CEP290: variants seen among roughly 807,000 people sequenced by gnomAD.
CEP290 encodes centrosomal protein of 290 kDa.
Under a neutral mutation model 344.9 loss-of-function variants are expected in CEP290, and 317 were observed. The observed-to-expected ratio is 0.92, with a 90% CI of 0.84 to 1.01. The LOEUF (loss-of-function observed/expected upper bound fraction) is 1.01, where lower values mean the gene tolerates loss of function less well. Ranked by LOEUF, CEP290 falls within the 50% of genes least tolerant of loss-of-function variation. CEP290 has a pLI of 0.00. For missense variants in CEP290, 2,754 were observed against 2,761.4 expected (o/e 1.00, Z 0.06); for synonymous variants, 932 against 895.8 (o/e 1.04, Z -0.72).
At chr12:88,137,083 C>T (rs2040392138) in intron 5 of CEP290, among the ~76,000 whole-genome samples, 2 of 152,072 alleles carry the variant, frequency 1.3e-5, no homozygotes, top group South Asian at 4.1e-4. Flanking sequence ...GCAAAGGTTC[C>T]TGAGCCTCAG....
intron 43 of CEP290, among the ~76,000 whole-genome samples, chr12:88,070,273 A>G (rs1360131547): frequency 6.6e-6 from 1 of 152,214 alleles, no homozygotes; most frequent in Non-Finnish European, 1.5e-5. Context: ...ATAGAATACC[A>G]GGACTTAAAG....
intron 35 of CEP290, 41 bp from the exon 36 acceptor site, chr12:88,083,995 T>A: frequency 8.1e-7 from 1 of 1,234,816 alleles, no homozygotes; most frequent in Non-Finnish European, 1.1e-6. Context: ...AAATTGTGAT[T>A]AAAACAAATT....
chr12:88,140,293 T>A (rs1432163178), intron 3 of CEP290, among the ~76,000 whole-genome samples: 2 of 152,210 alleles, frequency 1.3e-5, no homozygotes, highest in African/African-American at 2.4e-5. Context: ...TTGTCCTACA[T>A]AATATACTCA....
chr12:88,051,175 T>G (rs1804029991), intron 52 of CEP290, among the ~76,000 whole-genome samples: 1 of 151,270 alleles, frequency 6.6e-6, no homozygotes, highest in Non-Finnish European at 1.5e-5. Flanking sequence ...GCAAACATTT[T>G]CATGGCTGGG....
intron 29 of CEP290, among the ~76,000 whole-genome samples, chr12:88,091,264 A>G (rs1247585061): frequency 1.3e-5 from 2 of 152,202 alleles, no homozygotes; most frequent in Non-Finnish European, 2.9e-5. Flanking sequence ...ACATTTATCT[A>G]AGACCATCAC....
At chr12:88,135,254 G>A (rs1205722238) in intron 6 of CEP290, among the ~76,000 whole-genome samples, 2 of 152,160 alleles carry the variant, frequency 1.3e-5, no homozygotes, top group East Asian at 3.9e-4. Flanking sequence ...CAGCCAAAAA[G>A]GAACACAGGC....
intron 30 of CEP290, among the ~76,000 whole-genome samples, 160 bp from the exon 31 acceptor site, chr12:88,089,647 G>A (rs539163970): frequency 5.0e-4 from 75 of 150,524 alleles, no homozygotes; most frequent in African/African-American, 1.8e-3. Flanking sequence ...AATTACCAAA[G>A]AACTGTAAAA....
In CEP290 at chr12:88,083,971, C is replaced by T. The variant is rs779284571; in HGVS notation, c.4705-17G>A. 12 of 1,446,114 alleles carry T rather than the reference C, an allele frequency of 8.3e-6. No individual in the cohort carries two copies. Among genetic ancestry groups the T allele is most frequent in the Admixed American group, 3.9e-5 (2 of 51,176 alleles). The allele number at this position is 1,446,114 out of a possible 1,614,324, so 89.6% of individuals were successfully genotyped here. ...TCTTTGCTCCTGTTTTACAGAAAAT[C>T]GAAACTATATCTTAAATTGTGATTA... On this transcript the variant is annotated splice_polypyrimidine_tract_variant and intron_variant, in intron 35 of 53. Transcript: ENST00000552810.
chr12:88,061,777 CTT>C (rs869262265), intron 46 of CEP290, among the ~76,000 whole-genome samples: 3 of 144,044 alleles, frequency 2.1e-5, no homozygotes, highest in Non-Finnish European at 1.5e-5. Flanking sequence ...AATATTTTTC[CTT>C]TTTTTTTTTT....
At chr12:88,049,760 CT>C (rs548615399) in intron 53 of CEP290, 16 of 167,036 alleles carry the variant, frequency 9.6e-5, no homozygotes, top group Non-Finnish European at 1.6e-4. Context: ...TGAAGTTAGT[CT>C]GGTTAAGAGT....
At chr12:88,053,913 C>G (rs909386005) in intron 51 of CEP290, among the ~76,000 whole-genome samples, 167 bp from the exon 52 acceptor site, 1 of 152,108 alleles carries the variant, frequency 6.6e-6, no homozygotes, top group Non-Finnish European at 1.5e-5. Flanking sequence ...AAACAAAAAG[C>G]CTGGAATACA....
chr12:88,090,588 C>CCACT lies in CEP290; in HGVS notation c.3573+136_3573+139dup. ...AAGGCTGCAATGAGCCTTGAATGTA[C>CCACT]CACTGCACTCCACCCTGGGCAACAG... On this transcript the variant is annotated intron_variant, in intron 30 of 53. Coordinates refer to ENST00000552810, the MANE Select transcript of CEP290 (RefSeq NM_025114.4). 1.0e-5 allele frequency: 6 copies of CCACT among 595,492 alleles called. No homozygotes were observed. The South Asian group carries it at 1.2e-4, about 12-fold the overall frequency. The allele number at this position is 595,492 out of a possible 1,614,324, so 36.9% of individuals were successfully genotyped here.
chr12:88,096,631 T>C (rs2037452299), intron 27 of CEP290, among the ~76,000 whole-genome samples: 2 of 152,090 alleles, frequency 1.3e-5, no homozygotes, highest in Admixed American at 6.6e-5. Context: ...CGGTTCAAAG[T>C]AGCTAATACT....
chr12:88,136,646 C>A lies in CEP290; in HGVS notation c.438G>T (p.Glu146Asp). Reference protein sequence around the residue: ...KELEKEKKVNEQLALRNEEAE... With the variant: ...KELEKEKKVNDQLALRNEEAE... ...ATGGAAAAAAAAAGTGCTTTACTTG[C>A]TCATTAACTTTCTTCTCTTTCTCCA... The change falls in exon 6 of 54, where the codon GAG becomes GAT. Residue 146 changes from glutamate (E) to aspartate (D), a missense_variant. By Grantham distance (45) the Glu-to-Asp change is conservative (BLOSUM62 2). Transcript: ENST00000552810. The A allele has an allele frequency of 6.2e-7, 1 of 1,613,462 alleles. No homozygotes were observed. The highest frequency in any genetic ancestry group is 8.5e-7 in the Non-Finnish European group (1 of 1,179,600).
rs532585270 is a variant in CEP290 at position 88,123,512 on chromosome 12, C to T, written c.1189+1734G>A. On this transcript the variant is annotated intron_variant, in intron 13 of 53. Transcript: ENST00000552810. ...GCAGTTGTTTCTTCTTCCTTGGTTA[C>T]ATTCCTCATGTGGTTTTCAGGGCTC... Among the ~76,000 whole-genome samples, 5 of 152,176 alleles carry T rather than the reference C, an allele frequency of 3.3e-5. No homozygotes were observed. In the South Asian group the frequency reaches 6.2e-4, roughly 19 times the overall value.
Position 88,086,482 on chromosome 12 carries a change from T to C in CEP290, c.4211A>G (p.Gln1404Arg). ...AACTTCTCTTTGATCCCAGGCCATT[T>C]GTCTTTCTTCATGAAACTAAAAAAA... ...VQQNKFHEER[Q>R]MAWDQREVDL... Residue 1404 changes from glutamine (Q) to arginine (R), a missense_variant, in exon 33 of 54, where the codon CAA becomes CGA. By Grantham distance (43) the Gln-to-Arg change is conservative. Transcript: ENST00000552810. The C allele has an allele frequency of 6.3e-7, 1 of 1,594,618 alleles. No individual in the cohort carries two copies. The highest frequency in any genetic ancestry group is 1.3e-5 in the African/African-American group (1 of 74,882).
At position 88,111,825 on chromosome 12, in the gene CEP290, C is replaced by T. The variant is rs1333667660; in HGVS notation, c.2086G>A (p.Asp696Asn). The T allele has an allele frequency of 1.2e-6, 2 of 1,602,090 alleles. No homozygotes were observed. Among genetic ancestry groups the T allele is most frequent in the East Asian group, 2.3e-5 (1 of 43,962 alleles). The change falls in exon 21 of 54, where the codon GAT (aspartate) becomes AAT (asparagine). Residue 696 changes from aspartate to asparagine, a missense_variant. Coordinates refer to ENST00000552810, the MANE Select transcript of CEP290 (RefSeq NM_025114.4). ...TGGGCTTTCAAATGCAGACTCGCATCAAAGATTCCTTCTGCATTCTTTGAT... is the reference window on the plus strand; with the variant it reads ...TGGGCTTTCAAATGCAGACTCGCATTAAAGATTCCTTCTGCATTCTTTGAT... ...IESKNAEGIFDASLHLKAQVD... is the reference protein window; with the variant it reads ...IESKNAEGIFNASLHLKAQVD...
At chr12:88,133,397 T>C (rs1235187798) in intron 6 of CEP290, among the ~76,000 whole-genome samples, 1 of 152,162 alleles carries the variant, frequency 6.6e-6, no homozygotes, top group African/African-American at 2.4e-5. Context: ...TCTCATTCTC[T>C]TTTGATGGCT....
In CEP290 at chr12:88,053,740, A is replaced by C; in HGVS notation, c.7041T>G (p.Ala2347=). 2.7e-6 allele frequency: 4 copies of C among 1,499,558 alleles called. No individual in the cohort carries two copies. The highest frequency in any genetic ancestry group is 3.6e-6 in the Non-Finnish European group (4 of 1,106,288). The allele number at this position is 1,499,558 out of a possible 1,614,324, so 92.9% of individuals were successfully genotyped here. A position where few individuals can be genotyped will look rare whatever the true frequency, so the allele number is the denominator to read the frequency against. ...CTTTCTCTTTATCCAGCTGATGATT[A>C]GCTAATCTAGAACACAATGATAATG... The part of the protein sequence containing the change: ...LKRELQVLRL[A]NHQLDKEKAE... Residue 2347 remains alanine, a synonymous_variant, in exon 52 of 54, where the codon GCT becomes GCG. Transcript: ENST00000552810.
Sources: gnomAD v4.1 joint callset for allele counts (sites outside exome capture counted in the v4.1 genomes callset) on GRCh38, gnomAD v4.1.1 for gene constraint, MANE v1.5 for transcripts, NCBI Gene and HGNC (gene_info 2026-07-23, HGNC 2026-07-21) for gene names.